Variants in JADE2 observed in about 807,000 individuals in gnomAD.
JADE2 encodes jade family PHD finger 2, also known as E3 ubiquitin-protein ligase Jade-2.
JADE2 carries 13 observed loss-of-function variants against 85.7 expected under a neutral mutation model. That is an observed-to-expected ratio of 0.15 (90% CI 0.10 to 0.24). JADE2 has a LOEUF of 0.24. Ranked by LOEUF, JADE2 falls within the 10% of genes least tolerant of loss-of-function variation. The pLI, the probability that JADE2 is intolerant of heterozygous loss-of-function variation, is 1.00. For synonymous variants in JADE2, 440 were observed against 456.1 expected, an observed-to-expected ratio of 0.96 and a Z score of 0.45; for missense variants, 846 against 1,115.9, an observed-to-expected ratio of 0.76 and a Z score of 3.45.
At chr5:134,551,000 G>T (rs1762558261) in intron 3 of JADE2, among the ~76,000 whole-genome samples, 1 of 152,080 alleles carries the variant, frequency 6.6e-6, no homozygotes, top group African/African-American at 2.4e-5. Flanking sequence ...GAGGGACCTT[G>T]GAAGTCCCAG....
intron 5 of JADE2, 30 bp from the exon 6 acceptor site, chr5:134,560,716 C>T (rs1214394863): frequency 2.5e-6 from 4 of 1,594,800 alleles, no homozygotes; most frequent in Non-Finnish European, 3.4e-6. Context: ...GGGCTCCTAA[C>T]ACCACCATGC....
rs1469832654 is a variant in JADE2, at chr5:134,578,298, A to T, written c.1682-196A>T. On this transcript the variant is annotated intron_variant, in intron 11 of 11. Coordinates refer to ENST00000681547, the MANE Select transcript of JADE2 (RefSeq NM_001388185.1). The surrounding 1 kb of genome is among the most constrained non-coding windows in gnomAD (Gnocchi z 4.4). ...TTGAGGGCAGCACGTCCTTCTGGAG[A>T]GAAGCGTATAAGTAGTCCCTACTCT... 3.2e-4 allele frequency among the ~76,000 whole-genome samples: 49 copies of T among 152,196 alleles called. No homozygotes were observed. Among genetic ancestry groups the T allele is most frequent in the Admixed American group, 3.2e-3 (49 of 15,272 alleles).
In JADE2 at chr5:134,548,119, A is replaced by G. The variant is rs1251361828; in HGVS notation, c.154-3933A>G. Among the ~76,000 whole-genome samples, 7 of 152,230 alleles carry G rather than the reference A, an allele frequency of 4.6e-5. No individual in the cohort carries two copies. The East Asian group carries it at 1.3e-3, about 29-fold the overall frequency. ...TGCATCCGTGTGGTCACAGGGCCTC[A>G]TTGGCTCTGCAGTTCAGTGTGGGCA... is the stretch of plus-strand genomic sequence containing the variant. On this transcript the variant is annotated intron_variant, in intron 3 of 11. Coordinates refer to ENST00000681547, the MANE Select transcript of JADE2 (RefSeq NM_001388185.1).
chr5:134,533,953 C>T (rs1029993209), intron 1 of JADE2, among the ~76,000 whole-genome samples: 4 of 151,988 alleles, frequency 2.6e-5, no homozygotes, highest in African/African-American at 9.7e-5. Context: ...CCTACGTTCC[C>T]CAGGCTGGTC....
Position 134,578,794 on chromosome 5 carries a change from C to T in JADE2, c.1982C>T (p.Ser661Leu). 6.2e-7 allele frequency: 1 copy of T among 1,613,786 alleles called. No homozygotes were observed. The highest frequency in any genetic ancestry group is 1.1e-5 in the South Asian group (1 of 91,086). Residue 661 changes from serine to leucine, a missense_variant, in exon 12 of 12, where the codon TCA (serine) becomes TTA (leucine). Around this residue, in one of 9 missense-constraint regions of JADE2, gnomAD observed 300 missense variants for 300.7 expected, o/e 1.00. Transcript: ENST00000681547. The surrounding 1 kb of genome is among the most constrained non-coding windows in gnomAD (Gnocchi z 4.4). ...CCACCACCGCAGGACGGGCCTGGTT[C>T]ACGGACGACTCCAGACAAAGCCCCC... Reference protein sequence around the residue: ...PPPPPQDGPGSRTTPDKAPKK... With the variant: ...PPPPPQDGPGLRTTPDKAPKK...
chr5:134,574,474 A>G (rs1259029216), intron 10 of JADE2: 1 of 152,344 alleles, frequency 6.6e-6, no homozygotes, highest in Non-Finnish European at 1.5e-5. Context: ...CAGCAGAAAT[A>G]GCTGGATGGA....
chr5:134,574,482 GGA>G (rs1393276854), intron 10 of JADE2: 1 of 152,382 alleles, frequency 6.6e-6, no homozygotes, highest in Non-Finnish European at 1.5e-5. Context: ...ATAGCTGGAT[GGA>G]GAGAGATTTT....
intron 10 of JADE2, chr5:134,574,227 C>T (rs1764225535): frequency 4.2e-6 from 1 of 236,694 alleles, no homozygotes; most frequent in Non-Finnish European, 8.4e-6. Flanking sequence ...CTGACCCTAA[C>T]AGGATTTATG....
chr5:134,554,534 T>C (rs1455394912), intron 4 of JADE2, among the ~76,000 whole-genome samples: 5 of 152,190 alleles, frequency 3.3e-5, no homozygotes, highest in African/African-American at 1.2e-4. Context: ...GTAGCTTGGC[T>C]TCAGTCTGCC....
chr5:134,571,950 A>G (rs1764050521), intron 9 of JADE2, among the ~76,000 whole-genome samples: 1 of 152,168 alleles, frequency 6.6e-6, no homozygotes, highest in Admixed American at 6.5e-5. Context: ...AGCACCCCCA[A>G]GTGTGGGTCG....
chr5:134,559,609 T>C (rs2589403), intron 4 of JADE2, among the ~76,000 whole-genome samples: 126,769 of 152,228 alleles, frequency 0.83, 52,952 homozygotes, highest in East Asian at 0.97. Flanking sequence ...CCCTTTGGGT[T>C]TTCTGTGTAC....
chr5:134,562,481 C>T lies in JADE2; in HGVS notation c.852+114C>T. ...AGAAGGTGATGGACTCGCACTAAAACACTGAGATCGGCCGGGCGCGGTGGC... is the reference window on the plus strand; with the variant it reads ...AGAAGGTGATGGACTCGCACTAAAATACTGAGATCGGCCGGGCGCGGTGGC... On this transcript the variant is annotated intron_variant, in intron 7 of 11. Transcript: ENST00000681547. This position sits in a 1 kb window ranked among gnomAD's most constrained non-coding sequence, Gnocchi z 4.6. The T allele has an allele frequency of 1.8e-6, 2 of 1,128,494 alleles. No individual in the cohort carries two copies. The highest frequency in any genetic ancestry group is 2.5e-6 in the Non-Finnish European group (2 of 800,656). The allele number at this position is 1,128,494 out of a possible 1,614,324, so 69.9% of individuals were successfully genotyped here.
chr5:134,572,994 T>C (rs986092527), intron 9 of JADE2, among the ~76,000 whole-genome samples: 2 of 151,942 alleles, frequency 1.3e-5, no homozygotes, highest in African/African-American at 4.8e-5. Flanking sequence ...CAGCATGGCG[T>C]GAGCCTGGCT....
intron 7 of JADE2, chr5:134,564,186 T>C: frequency 4.3e-6 from 1 of 229,928 alleles, no homozygotes. Flanking sequence ...GCCCACGCAG[T>C]CTTAAGCACA....
At chr5:134,552,513 T>A (rs922186140) in intron 4 of JADE2, among the ~76,000 whole-genome samples, 1 of 152,158 alleles carries the variant, frequency 6.6e-6, no homozygotes, top group African/African-American at 2.4e-5. Context: ...TCCTTATCTA[T>A]GAAATTGGAA....
At chr5:134,571,940 AG>A (rs904618846) in intron 9 of JADE2, among the ~76,000 whole-genome samples, 3 of 152,218 alleles carry the variant, frequency 2.0e-5, no homozygotes, top group African/African-American at 7.2e-5. Context: ...CGCCTTGCTC[AG>A]CACCCCCAAG....
At chr5:134,576,581 C>T (rs1156989295) in intron 10 of JADE2, among the ~76,000 whole-genome samples, 187 bp from the exon 11 acceptor site, 2 of 152,206 alleles carry the variant, frequency 1.3e-5, no homozygotes, top group African/African-American at 2.4e-5. Flanking sequence ...CCCCAAGTCC[C>T]CCACAGGCCA....
At chr5:134,534,983 C>G (rs147155470) in intron 1 of JADE2, among the ~76,000 whole-genome samples, 26 of 152,200 alleles carry the variant, frequency 1.7e-4, no homozygotes, top group Non-Finnish European at 3.4e-4. Flanking sequence ...AAAGGCAGCT[C>G]AGCATGCGCC....
rs535986333 is a variant in JADE2, at chr5:134,580,911, TA to T, written c.*1597del. The T allele has an allele frequency of 6.6e-6, 1 of 152,610 alleles. No homozygotes were observed. Among genetic ancestry groups the T allele is most frequent in the Non-Finnish European group, 1.5e-5 (1 of 68,036 alleles). The allele number at this position is 152,610 out of a possible 1,614,324, so 9.5% of individuals were successfully genotyped here. On this transcript the variant is annotated 3_prime_UTR_variant, in exon 12 of 12. Transcript: ENST00000681547. ...GGGCTGAGCCCACTGTGAGCTTTCC[TA>T]AACTGTGAGACTCACAGAGGGGAAA...
Sources: gnomAD v4.1 joint callset for allele counts (sites outside exome capture counted in the v4.1 genomes callset) on GRCh38, gnomAD v4.1.1 for gene constraint, gnomAD v4.1.1 regional missense constraint, Gnocchi (gnomAD v3.1) non-coding constraint, MANE v1.5 for transcripts, NCBI Gene and HGNC (gene_info 2026-07-23, HGNC 2026-07-21) for gene names.